Variants in INSR observed in about 807,000 individuals in gnomAD.
INSR encodes insulin receptor, also known as IR.
Under a neutral mutation model 142.6 loss-of-function variants are expected in INSR, and 67 were observed. The observed-to-expected ratio is 0.47, with a 90% confidence interval of 0.39 to 0.58. The LOEUF (loss-of-function observed/expected upper bound fraction) is 0.58, where lower values mean the gene tolerates loss of function less well. Ranked by LOEUF, INSR falls within the 20% of genes least tolerant of loss-of-function variation. INSR has a pLI of 0.00. For synonymous variants in INSR, 756 were observed against 743.1 expected, an observed-to-expected ratio of 1.02 and a Z score of -0.28; for missense variants, 1,248 against 1,833.2, an observed-to-expected ratio of 0.68 and a Z score of 5.83.
intron 2 of INSR, among the ~76,000 whole-genome samples, chr19:7,229,207 G>GGATGGATA (rs1211283250): frequency 6.0e-5 from 9 of 149,576 alleles, no homozygotes; most frequent in Non-Finnish European, 7.4e-5. Context: ...ATGGATGGAT[G>GGATGGATA]GATGGATGGA....
At chr19:7,265,830 C>T (rs1203213206) in intron 2 of INSR, among the ~76,000 whole-genome samples, 1 of 151,970 alleles carries the variant, frequency 6.6e-6, no homozygotes, top group Non-Finnish European at 1.5e-5. Flanking sequence ...AGAAGTGGCA[C>T]ACTGAAATCC....
intron 2 of INSR, among the ~76,000 whole-genome samples, chr19:7,237,842 T>A (rs57432701): frequency 0.46 from 69,886 of 151,088 alleles, 17,139 homozygotes; most frequent in African/African-American, 0.63. Context: ...AAAATTAAAT[T>A]AAATTAAATT....
In INSR at chr19:7,230,045, AC is replaced by A. The variant is rs1176913372; in HGVS notation, c.652+37299del. Reference sequence around the variant, plus strand: ...GGCTTCAAGGAAGTCTTCTGCCTCAACCTCCCAAAACACTGGGTTTACAGAC... The same window carrying A: ...GGCTTCAAGGAAGTCTTCTGCCTCAACTCCCAAAACACTGGGTTTACAGAC... On this transcript the variant is annotated intron_variant, in intron 2 of 21. Coordinates refer to ENST00000302850, the MANE Select transcript of INSR (RefSeq NM_000208.4). Among the ~76,000 whole-genome samples the A allele has an allele frequency of 2.6e-5, 4 of 151,592 alleles. No homozygotes were observed. In the Admixed American group the frequency reaches 2.6e-4, roughly 10 times the overall value.
intron 2 of INSR, among the ~76,000 whole-genome samples, chr19:7,252,772 C>G (rs1404019391): frequency 6.6e-6 from 1 of 152,092 alleles, no homozygotes; most frequent in East Asian, 1.9e-4. Context: ...ATTAAAGATC[C>G]AAGACCCTCC....
chr19:7,169,978 T>C (rs1309109457), intron 6 of INSR, among the ~76,000 whole-genome samples: 1 of 152,182 alleles, frequency 6.6e-6, no homozygotes, highest in African/African-American at 2.4e-5. Flanking sequence ...AGCCACATTA[T>C]CTGGTTTGTG....
At chr19:7,244,805 C>T (rs114168346) in intron 2 of INSR, among the ~76,000 whole-genome samples, 6,169 of 152,014 alleles carry the variant, frequency 0.041, 152 homozygotes, top group Middle Eastern at 0.11. Flanking sequence ...CCTCAAAGAA[C>T]ATGTTTATGT....
intron 1 of INSR, among the ~76,000 whole-genome samples, chr19:7,282,935 T>G (rs1235820942): frequency 1.3e-5 from 2 of 151,880 alleles, no homozygotes; most frequent in Non-Finnish European, 1.5e-5. Flanking sequence ...ATCACGCCAC[T>G]GCACTCCAGC....
intron 11 of INSR, among the ~76,000 whole-genome samples, chr19:7,148,390 G>A (rs941584322): frequency 2.6e-5 from 4 of 151,932 alleles, no homozygotes; most frequent in African/African-American, 9.7e-5. Context: ...GGAAGCCAGG[G>A]ATGCTTCTCA....
At chr19:7,277,937 CA>C (rs1968109738) in intron 1 of INSR, among the ~76,000 whole-genome samples, 1 of 151,044 alleles carries the variant, frequency 6.6e-6, no homozygotes, top group Admixed American at 6.6e-5. Flanking sequence ...ACTAAAAATA[CA>C]AAAAAATTAG....
At chr19:7,251,250 C>A (rs1362258687) in intron 2 of INSR, among the ~76,000 whole-genome samples, 1 of 151,918 alleles carries the variant, frequency 6.6e-6, no homozygotes, top group African/African-American at 2.4e-5. Context: ...ACAAACACAT[C>A]AATTTATTTT....
Position 7,125,597 on chromosome 19 carries a change from G to T in INSR, c.3014-70C>A. Reference sequence around the variant, plus strand: ...GGGTCTGCAGCCACCTTCCACCCAAGCCCTCACCCAAACCCCCTCGAAAAC... The same window carrying T: ...GGGTCTGCAGCCACCTTCCACCCAATCCCTCACCCAAACCCCCTCGAAAAC... On this transcript the variant is annotated intron_variant, in intron 16 of 21. Coordinates refer to ENST00000302850, the MANE Select transcript of INSR (RefSeq NM_000208.4). The surrounding 1 kb of genome is among the most constrained non-coding windows in gnomAD (Gnocchi z 4.9). 6.3e-7 allele frequency: 1 copy of T among 1,595,084 alleles called. No individual in the cohort carries two copies. The highest frequency in any genetic ancestry group is 1.1e-5 in the South Asian group (1 of 90,496).
At chr19:7,175,606 G>T (rs1010792844) in intron 3 of INSR, among the ~76,000 whole-genome samples, 2 of 152,064 alleles carry the variant, frequency 1.3e-5, no homozygotes, top group Non-Finnish European at 2.9e-5. Flanking sequence ...AGTCCGAGGC[G>T]GGCAGATCAC....
Position 7,265,349 on chromosome 19 carries a change from GC to G in INSR, c.652+1995del, listed in dbSNP as rs2145204742. On this transcript the variant is annotated intron_variant, in intron 2 of 21. Transcript: ENST00000302850. ...TTTCTATAATCAACAGCTGTCTGAG[GC>G]CCCCAGTTAGCTATTTGGGAGAGAA... Among the ~76,000 whole-genome samples, 3 of 152,258 alleles carry G rather than the reference GC, an allele frequency of 2.0e-5. No homozygotes were observed. The East Asian group carries it at 5.8e-4, about 29-fold the overall frequency.
intron 21 of INSR, among the ~76,000 whole-genome samples, chr19:7,117,734 G>A (rs1282998864): frequency 6.6e-6 from 1 of 151,842 alleles, no homozygotes; most frequent in Admixed American, 6.6e-5. Flanking sequence ...GGCCTCCCAA[G>A]TAGCTGGGAC....
At chr19:7,120,264 T>G (rs1347275787) in intron 20 of INSR, among the ~76,000 whole-genome samples, 1 of 152,238 alleles carries the variant, frequency 6.6e-6, no homozygotes, top group Non-Finnish European at 1.5e-5. Context: ...ATCTTATATA[T>G]GTTGACTGAT....
At chr19:7,183,276 G>A (rs891761532) in intron 3 of INSR, among the ~76,000 whole-genome samples, 8 of 151,444 alleles carry the variant, frequency 5.3e-5, no homozygotes, top group Non-Finnish European at 1.2e-4. Context: ...GTGTGTGTGT[G>A]TGTGTGTGTG....
chr19:7,230,255 T>C (rs1975928954), intron 2 of INSR, among the ~76,000 whole-genome samples: 1 of 152,134 alleles, frequency 6.6e-6, no homozygotes, highest in African/African-American at 2.4e-5. Flanking sequence ...ACTCAGTAAT[T>C]GATCAGGTGT....
rs78452180 is a variant in INSR at position 7,199,418 on chromosome 19, A to T, written c.653-14781T>A. On this transcript the variant is annotated intron_variant, in intron 2 of 21. Coordinates refer to ENST00000302850, the MANE Select transcript of INSR (RefSeq NM_000208.4). ...TTTTTAAATTTGTTTGTTTGTTTGA[A>T]ACAGGGTCTTACTCTGTGGCCCAGG... 6.2e-4 allele frequency among the ~76,000 whole-genome samples: 93 copies of T among 150,886 alleles called. No homozygotes were observed. The East Asian group carries it at 0.018, about 29-fold the overall frequency.
intron 2 of INSR, among the ~76,000 whole-genome samples, chr19:7,228,977 A>ATG (rs1555683660): frequency 1.3e-4 from 10 of 77,154 alleles, no homozygotes; most frequent in African/African-American, 2.7e-4. Flanking sequence ...CAGAGTAGAC[A>ATG]GAAGGATGGA....
Sources: allele counts gnomAD v4.1 joint callset (sites outside exome capture counted in the v4.1 genomes callset), GRCh38; gene constraint gnomAD v4.1.1; non-coding constraint Gnocchi (gnomAD v3.1); transcripts MANE v1.5; gene names NCBI Gene and HGNC (gene_info 2026-07-23, HGNC 2026-07-21).